Variants in BCAS3 observed in about 807,000 individuals in gnomAD.
BCAS3 encodes BCAS4/BCAS3 fusion.
A neutral mutation model predicts 116.1 loss-of-function variants in BCAS3; 53 were observed. The observed-to-expected ratio is 0.46, with a 90% CI of 0.37 to 0.57. The LOEUF (loss-of-function observed/expected upper bound fraction) is 0.57. Ranked by LOEUF, BCAS3 falls within the 20% of genes least tolerant of loss-of-function variation. The pLI, the probability that BCAS3 is intolerant of heterozygous loss-of-function variation, is 0.00. For missense variants in BCAS3, 917 were observed against 1,165.4 expected, an observed-to-expected ratio of 0.79 and a Z score of 3.10; for synonymous variants, 391 against 408.2, an observed-to-expected ratio of 0.96 and a Z score of 0.51.
rs2059346123 is a variant in BCAS3 at position 61,376,479 on chromosome 17, G to C, written c.2593+7985G>C. Among the ~76,000 whole-genome samples, 2 of 152,202 alleles carry C rather than the reference G, an allele frequency of 1.3e-5. No homozygotes were observed. Among genetic ancestry groups the C allele is most frequent in the African/African-American group, 4.8e-5 (2 of 41,446 alleles). ...ACTGGTATTTACCCCAGATACCCAGGAAGGGTTAGTCTTTCGGCCTCCTGA... is the reference window on the plus strand; with the variant it reads ...ACTGGTATTTACCCCAGATACCCAGCAAGGGTTAGTCTTTCGGCCTCCTGA... On this transcript the variant is annotated intron_variant, in intron 23 of 23. Coordinates refer to ENST00000407086, the MANE Select transcript of BCAS3 (RefSeq NM_017679.5). The surrounding 1 kb of genome is among the most constrained non-coding windows in gnomAD (Gnocchi z 4.5).
At chr17:60,881,574 G>A (rs986897292) in intron 9 of BCAS3, among the ~76,000 whole-genome samples, 2 of 146,508 alleles carry the variant, frequency 1.4e-5, no homozygotes, top group African/African-American at 2.5e-5. Flanking sequence ...ATATCTCGCA[G>A]TGCTATCCCT....
At chr17:60,759,745 A>C (rs1173229163) in intron 6 of BCAS3, among the ~76,000 whole-genome samples, 1 of 151,584 alleles carries the variant, frequency 6.6e-6, no homozygotes, top group Non-Finnish European at 1.5e-5. Context: ...GCTCACTGCC[A>C]CCTTGAACTC....
chr17:61,335,508 T>C (rs2056650652), intron 22 of BCAS3, among the ~76,000 whole-genome samples: 1 of 151,430 alleles, frequency 6.6e-6, no homozygotes, highest in East Asian at 1.9e-4. Flanking sequence ...CTCCGGGGAG[T>C]CAGGGTCCCT....
intron 13 of BCAS3, among the ~76,000 whole-genome samples, chr17:60,942,427 C>T (rs185872802): frequency 6.6e-6 from 1 of 151,808 alleles, no homozygotes; most frequent in Non-Finnish European, 1.5e-5. Context: ...ACTCCCATCT[C>T]CAAACAAAAA....
chr17:60,781,116 C>T (rs1404924038), intron 6 of BCAS3, among the ~76,000 whole-genome samples: 2 of 151,702 alleles, frequency 1.3e-5, no homozygotes, highest in Non-Finnish European at 2.9e-5. Flanking sequence ...GTTACAGGTG[C>T]GTGCCACCAT....
rs1294474714 is a variant in BCAS3, at chr17:60,962,994, G to A, written c.1221+15642G>A. 6.6e-6 allele frequency among the ~76,000 whole-genome samples: 1 copy of A among 152,132 alleles called. No individual in the cohort carries two copies. The highest frequency in any genetic ancestry group is 2.4e-5 in the African/African-American group (1 of 41,436). On this transcript the variant is annotated intron_variant, in intron 14 of 23. Coordinates refer to ENST00000407086, the MANE Select transcript of BCAS3 (RefSeq NM_017679.5). The surrounding 1 kb of genome is among the most constrained non-coding windows in gnomAD (Gnocchi z 4.4). ...CCCACCACCACTTATTGAAAAGACT[G>A]TTCTTTTACCTTCTTATGTTCTTGG...
chr17:60,749,562 G>T (rs983150640), intron 6 of BCAS3, among the ~76,000 whole-genome samples: 1 of 151,958 alleles, frequency 6.6e-6, no homozygotes, highest in Non-Finnish European at 1.5e-5. Flanking sequence ...TGTATTATCT[G>T]GGTGTTAAAT....
At chr17:61,177,908 T>C (rs904323047) in intron 22 of BCAS3, among the ~76,000 whole-genome samples, 7 of 152,186 alleles carry the variant, frequency 4.6e-5, no homozygotes, top group African/African-American at 9.6e-5. Context: ...ATTCATGGCA[T>C]TTTGATTTTG....
intron 12 of BCAS3, among the ~76,000 whole-genome samples, chr17:60,911,123 C>CTTTTTAT (rs2058479319): frequency 1.1e-5 from 1 of 88,256 alleles, no homozygotes; most frequent in Non-Finnish European, 2.0e-5. Context: ...TTTTTTCTTT[C>CTTTTTAT]TTTTTTTTTT....
At chr17:60,821,614 A>G (rs1231178221) in intron 7 of BCAS3, 2 of 152,016 alleles carry the variant, frequency 1.3e-5, no homozygotes, top group Non-Finnish European at 1.5e-5. Flanking sequence ...ATCATATAGT[A>G]TGTACTCTTT....
Position 61,204,008 on chromosome 17 carries a change from G to T in BCAS3, c.2425+119444G>T, listed in dbSNP as rs190867348. 6.6e-6 allele frequency among the ~76,000 whole-genome samples: 1 copy of T among 152,132 alleles called. No individual in the cohort carries two copies. Among genetic ancestry groups the T allele is most frequent in the African/African-American group, 2.4e-5 (1 of 41,428 alleles). On this transcript the variant is annotated intron_variant, in intron 22 of 23. Transcript: ENST00000407086. The surrounding 1 kb of genome is among the most constrained non-coding windows in gnomAD (Gnocchi z 4.2). ...GCTGGGGTTTTGGCAGCCTGTCCTC[G>T]GGTTGTTCAGCCTGGTGACCCTAGC... is the stretch of plus-strand genomic sequence containing the variant.
intron 14 of BCAS3, among the ~76,000 whole-genome samples, chr17:60,955,467 A>G (rs1249680365): frequency 6.7e-6 from 1 of 148,408 alleles, no homozygotes; most frequent in Non-Finnish European, 1.5e-5. Flanking sequence ...GCTCACTGCA[A>G]CCTCCCGACT....
Position 60,689,507 on chromosome 17 carries a change from T to G in BCAS3, c.139-179T>G, listed in dbSNP as rs1406157552. ...TTAAAAACTCTTTTGACCAAGGTTA[T>G]GAGACTCATGGATAATATTCTTTGG... On this transcript the variant is annotated intron_variant, in intron 3 of 23. Coordinates refer to ENST00000407086, the MANE Select transcript of BCAS3 (RefSeq NM_017679.5). 2.0e-5 allele frequency among the ~76,000 whole-genome samples: 3 copies of G among 152,228 alleles called. No individual in the cohort carries two copies. The South Asian group carries it at 6.2e-4, about 31-fold the overall frequency.
At chr17:61,107,247 C>T (rs1057390978) in intron 22 of BCAS3, among the ~76,000 whole-genome samples, 13 of 151,938 alleles carry the variant, frequency 8.6e-5, no homozygotes, top group Non-Finnish European at 1.3e-4. Context: ...CCACCACACC[C>T]GGCTAATTTT....
rs1035632595 is a variant in BCAS3, at chr17:61,362,424, C to T, written c.2426-5903C>T. Among the ~76,000 whole-genome samples the T allele has an allele frequency of 6.6e-6, 1 of 152,244 alleles. No homozygotes were observed. Among genetic ancestry groups the T allele is most frequent in the Non-Finnish European group, 1.5e-5 (1 of 68,040 alleles). On this transcript the variant is annotated intron_variant, in intron 22 of 23. Transcript: ENST00000407086. The surrounding 1 kb of genome is among the most constrained non-coding windows in gnomAD (Gnocchi z 4.4). ...CAAAATCCAAACCTGGGCAGAACCT[C>T]ATTAACGCAAAGCGGAGGCTGTGCC...
Position 61,189,300 on chromosome 17 carries a change from A to G in BCAS3, c.2425+104736A>G, listed in dbSNP as rs1411029634. 6.6e-6 allele frequency among the ~76,000 whole-genome samples: 1 copy of G among 152,236 alleles called. No individual in the cohort carries two copies. The highest frequency in any genetic ancestry group is 6.5e-5 in the Admixed American group (1 of 15,288). On this transcript the variant is annotated intron_variant, in intron 22 of 23. Transcript: ENST00000407086. This position sits in a 1 kb window ranked among gnomAD's most constrained non-coding sequence, Gnocchi z 4.5. ...AGAAGATAAGCATAAGTGAAGGCAC[A>G]GTAGCAAGAGAAGCCATGGTATATT...
intron 22 of BCAS3, among the ~76,000 whole-genome samples, chr17:61,274,116 C>G (rs972963025): frequency 6.6e-6 from 1 of 151,072 alleles, no homozygotes; most frequent in Non-Finnish European, 1.5e-5. Flanking sequence ...CCACTCCCCC[C>G]ACCCCACAAC....
intron 6 of BCAS3, among the ~76,000 whole-genome samples, chr17:60,803,716 A>G (rs2048010649): frequency 2.6e-5 from 4 of 152,068 alleles, no homozygotes. Flanking sequence ...TTTGAAAATG[A>G]AAAAGCACAA....
intron 9 of BCAS3, among the ~76,000 whole-genome samples, chr17:60,878,013 CTT>C (rs11345486): frequency 2.6e-4 from 35 of 132,530 alleles, no homozygotes; most frequent in African/African-American, 5.8e-4. Flanking sequence ...CTTTTTTTTT[CTT>C]TTTTTTTTTT....
Sources: gnomAD v4.1 joint callset for allele counts (sites outside exome capture counted in the v4.1 genomes callset) on GRCh38, gnomAD v4.1.1 for gene constraint, Gnocchi (gnomAD v3.1) non-coding constraint, MANE v1.5 for transcripts, NCBI Gene and HGNC (gene_info 2026-07-23, HGNC 2026-07-21) for gene names.